The following IL1RAPL2 variants were observed in gnomAD, a reference collection of about 807,000 sequenced individuals.
The protein encoded by IL1RAPL2 is X-linked interleukin-1 receptor accessory protein-like 2.
Under a neutral mutation model 44.1 loss-of-function variants are expected in IL1RAPL2, and 3 were observed. The observed-to-expected ratio is 0.07, with a 90% CI of 0.03 to 0.18. The LOEUF is 0.18. Among genes scored for constraint, IL1RAPL2 ranks in the 10% least tolerant of loss-of-function variants. IL1RAPL2 has a pLI of 1.00. For synonymous variants in IL1RAPL2, 181 were observed against 178.8 expected (o/e 1.01, Z -0.10); for missense variants, 391 against 496.4 (o/e 0.79, Z 2.02).
At position 104,770,792 on chromosome X, in the gene IL1RAPL2, G is replaced by C. The variant is rs769881564; in HGVS notation, c.82+111797G>C. Among the ~76,000 whole-genome samples, 22 of 111,630 alleles carry C rather than the reference G, an allele frequency of 2.0e-4. 1 individual carries two copies. Among genetic ancestry groups the C allele is most frequent in the Non-Finnish European group, 4.0e-4 (21 of 53,114 alleles). ...GTATATGTGCAGGTTTGTTGCATAG[G>C]TAAACTTGTGTCATGGGGGTTTCTT... On this transcript the variant is annotated intron_variant, in intron 2 of 10. Transcript: ENST00000372582.
chrX:104,890,987 G>A (rs180770055), intron 2 of IL1RAPL2, among the ~76,000 whole-genome samples: 21 of 111,892 alleles, frequency 1.9e-4, no homozygotes, highest in Admixed American at 1.6e-3. Context: ...AAGGTGTAAG[G>A]AAGGGATCCA....
At chrX:105,389,948 A>T (rs998709979) in intron 5 of IL1RAPL2, among the ~76,000 whole-genome samples, 8 of 110,793 alleles carry the variant, frequency 7.2e-5, no homozygotes, top group African/African-American at 2.6e-4. Flanking sequence ...CTCACACCCC[A>T]GCCTAAGAAA....
At chrX:104,916,017 T>C (rs1159787620) in intron 2 of IL1RAPL2, among the ~76,000 whole-genome samples, 2 of 112,052 alleles carry the variant, frequency 1.8e-5, no homozygotes, top group Admixed American at 1.9e-4. Flanking sequence ...CCTCCAGCTT[T>C]GTTCTTTTGG....
chrX:105,737,334 C>T (rs1475523429), intron 7 of IL1RAPL2, among the ~76,000 whole-genome samples: 9 of 111,094 alleles, frequency 8.1e-5, no homozygotes, highest in Non-Finnish European at 1.9e-5. Context: ...CAAACCTGCA[C>T]ATGTACCCCT....
At chrX:105,114,687 T>A (rs1335695182) in intron 2 of IL1RAPL2, among the ~76,000 whole-genome samples, 1 of 111,734 alleles carries the variant, frequency 8.9e-6, no homozygotes, top group African/African-American at 3.3e-5. Flanking sequence ...AGGCTGGGAA[T>A]TTACAGGTTC....
chrX:105,541,722 A>G (rs1341301343), intron 6 of IL1RAPL2, among the ~76,000 whole-genome samples: 2 of 109,922 alleles, frequency 1.8e-5, no homozygotes, highest in East Asian at 2.9e-4. Flanking sequence ...CGATTAAACA[A>G]CCTCCTAATT....
intron 5 of IL1RAPL2, among the ~76,000 whole-genome samples, chrX:105,470,139 A>G (rs1432996527): frequency 4.5e-5 from 5 of 111,473 alleles, no homozygotes; most frequent in Admixed American, 2.9e-4. Context: ...CTGGGATGCA[A>G]TGTTGGAAGT....
chrX:105,459,262 G>A (rs998276841), intron 5 of IL1RAPL2, among the ~76,000 whole-genome samples: 1 of 111,119 alleles, frequency 9.0e-6, no homozygotes, highest in Non-Finnish European at 1.9e-5. Context: ...GCATGTGTGT[G>A]TGTGTGTCTC....
intron 6 of IL1RAPL2, among the ~76,000 whole-genome samples, chrX:105,678,190 C>T (rs1462648455): frequency 8.9e-6 from 1 of 112,016 alleles, no homozygotes; most frequent in African/African-American, 3.2e-5. Flanking sequence ...ATGAGTAACA[C>T]ATGAGCAATA....
intron 2 of IL1RAPL2, among the ~76,000 whole-genome samples, chrX:104,936,528 C>T (rs997954375): frequency 1.8e-5 from 2 of 110,376 alleles, no homozygotes; most frequent in African/African-American, 6.6e-5. Context: ...GGCAGCTGCC[C>T]TGGGTACCAA....
chrX:104,976,404 G>T (rs1027164626), intron 2 of IL1RAPL2, among the ~76,000 whole-genome samples: 2 of 111,994 alleles, frequency 1.8e-5, no homozygotes, highest in African/African-American at 6.5e-5. Flanking sequence ...AAAGTGGATT[G>T]TAAGTATTTG....
At chrX:105,218,445 CAG>C (rs781850107) in intron 3 of IL1RAPL2, among the ~76,000 whole-genome samples, 3 of 111,222 alleles carry the variant, frequency 2.7e-5, no homozygotes, top group Non-Finnish European at 5.7e-5. Flanking sequence ...CCTCTCTGTT[CAG>C]AGTGTCTAGC....
chrX:105,581,305 T>C (rs2037087805), intron 6 of IL1RAPL2, among the ~76,000 whole-genome samples: 1 of 111,903 alleles, frequency 8.9e-6, no homozygotes, highest in African/African-American at 3.2e-5. Context: ...TTAGAAGGTA[T>C]ATCAATAATG....
chrX:105,731,384 A>C (rs919219406), intron 7 of IL1RAPL2, among the ~76,000 whole-genome samples: 3 of 110,999 alleles, frequency 2.7e-5, no homozygotes, highest in Non-Finnish European at 3.8e-5. Flanking sequence ...AACGTCTCCC[A>C]ACAAAGAAAA....
At chrX:105,446,839 A>G (rs2035958460) in intron 5 of IL1RAPL2, among the ~76,000 whole-genome samples, 1 of 106,359 alleles carries the variant, frequency 9.4e-6, no homozygotes, top group African/African-American at 3.4e-5. Flanking sequence ...ACCAATTACC[A>G]TGTTATACTA....
At position 105,573,052 on chromosome X, in the gene IL1RAPL2, T is replaced by C. The variant is rs759002944; in HGVS notation, c.772+88665T>C. 8.3e-4 allele frequency among the ~76,000 whole-genome samples: 92 copies of C among 110,608 alleles called. 1 individual carries two copies. Among genetic ancestry groups the C allele is most frequent in the Non-Finnish European group, 1.6e-3 (85 of 52,842 alleles). ...GAGAAACCATGGAAGGTTGGTTTGT[T>C]TGTCTATTTATTTGTTTGTTTTCGA... On this transcript the variant is annotated intron_variant, in intron 6 of 10. Coordinates refer to ENST00000372582, the MANE Select transcript of IL1RAPL2 (RefSeq NM_017416.2).
chrX:105,574,389 G>A (rs1331732137), intron 6 of IL1RAPL2, among the ~76,000 whole-genome samples: 1 of 111,276 alleles, frequency 9.0e-6, no homozygotes, highest in African/African-American at 3.3e-5. Flanking sequence ...TATAGGAGGA[G>A]ACCCACTGCA....
chrX:104,657,482 T>C (rs989070967), intron 1 of IL1RAPL2, among the ~76,000 whole-genome samples: 25 of 111,609 alleles, frequency 2.2e-4, no homozygotes, highest in African/African-American at 7.5e-4. Flanking sequence ...TTAAGATGGA[T>C]TAAAGACTTA....
Position 105,482,238 on chromosome X carries a change from G to A in IL1RAPL2, c.698-2075G>A, listed in dbSNP as rs188026478. On this transcript the variant is annotated intron_variant, in intron 5 of 10. Transcript: ENST00000372582. ...CAATATTTTACTATTACAAATAATA[G>A]CAAACTACAACAAAATTGAACATCT... is the stretch of plus-strand genomic sequence containing the variant. Among the ~76,000 whole-genome samples the A allele has an allele frequency of 3.6e-5, 4 of 111,598 alleles. No homozygotes were observed. The East Asian group carries it at 1.1e-3, about 31-fold the overall frequency.
Sources: allele counts gnomAD v4.1 joint callset (sites outside exome capture counted in the v4.1 genomes callset), GRCh38; gene constraint gnomAD v4.1.1; transcripts MANE v1.5; gene names NCBI Gene and HGNC (gene_info 2026-07-23, HGNC 2026-07-21).